The following PRKG1 variants were observed in gnomAD, a reference collection of about 807,000 sequenced individuals.
PRKG1 encodes the protein cGMP-dependent protein kinase 1.
In PRKG1, 35 loss-of-function variants were observed where a neutral mutation model predicts 88.1. The observed-to-expected ratio is 0.40, with a 90% confidence interval of 0.30 to 0.53. The LOEUF is 0.53. Ranked by LOEUF, PRKG1 falls within the 20% of genes least tolerant of loss-of-function variation. The pLI, the probability that PRKG1 is intolerant of heterozygous loss-of-function variation, is 0.59. For missense variants in PRKG1, 540 were observed against 839.8 expected, an observed-to-expected ratio of 0.64 and a Z score of 4.41; for synonymous variants, 303 against 292.5, an observed-to-expected ratio of 1.04 and a Z score of -0.37.
At chr10:52,068,267 A>T (rs1375291453) in intron 7 of PRKG1, among the ~76,000 whole-genome samples, 1 of 152,070 alleles carries the variant, frequency 6.6e-6, no homozygotes, top group African/African-American at 2.4e-5. Flanking sequence ...ATACATATAA[A>T]CATCAGATGA....
chr10:51,429,921 G>A (rs1038768833), intron 2 of PRKG1, among the ~76,000 whole-genome samples: 5 of 151,692 alleles, frequency 3.3e-5, no homozygotes, highest in Admixed American at 2.6e-4. Flanking sequence ...GTCCCAGAAA[G>A]GAAGAAGAAA....
intron 3 of PRKG1, among the ~76,000 whole-genome samples, chr10:51,742,239 T>G (rs1423366424): frequency 1.3e-5 from 2 of 152,206 alleles, no homozygotes; most frequent in African/African-American, 2.4e-5. Context: ...AGATTTACAT[T>G]GAACCTGAAT....
intron 14 of PRKG1, among the ~76,000 whole-genome samples, chr10:52,282,974 C>G (rs1842032592): frequency 6.6e-6 from 1 of 151,846 alleles, no homozygotes; most frequent in Non-Finnish European, 1.5e-5. Flanking sequence ...AAGAGTAGGA[C>G]TTAGATATAG....
intron 8 of PRKG1, among the ~76,000 whole-genome samples, chr10:52,134,451 G>A (rs1302323469): frequency 1.3e-5 from 2 of 152,070 alleles, no homozygotes; most frequent in Non-Finnish European, 2.9e-5. Flanking sequence ...GTCTGATAAT[G>A]TCTATCCCTG....
At chr10:51,332,574 A>T (rs548584808) in intron 2 of PRKG1, among the ~76,000 whole-genome samples, 5 of 152,370 alleles carry the variant, frequency 3.3e-5, no homozygotes, top group Admixed American at 3.3e-4. Context: ...ATGTAAAGAT[A>T]AAAAGTCACA....
chr10:52,215,557 T>G (rs1263444079), intron 9 of PRKG1, among the ~76,000 whole-genome samples: 2 of 152,196 alleles, frequency 1.3e-5, no homozygotes, highest in African/African-American at 2.4e-5. Context: ...ACCTCAATAT[T>G]TTCTCTTTTC....
At chr10:52,169,952 C>G (rs936160982) in intron 9 of PRKG1, among the ~76,000 whole-genome samples, 1 of 151,984 alleles carries the variant, frequency 6.6e-6, no homozygotes, top group Admixed American at 6.5e-5. Flanking sequence ...AAGAGTGAGA[C>G]CATCTCCACG....
chr10:51,842,695 A>T (rs1312727776), intron 4 of PRKG1, among the ~76,000 whole-genome samples: 1 of 152,178 alleles, frequency 6.6e-6, no homozygotes, highest in African/African-American at 2.4e-5. Context: ...CTATATGTGT[A>T]TATGTATATT....
chr10:52,091,216 C>A (rs1453226893), intron 7 of PRKG1, among the ~76,000 whole-genome samples: 1 of 152,126 alleles, frequency 6.6e-6, no homozygotes, highest in African/African-American at 2.4e-5. Context: ...TTGAGGCCCC[C>A]CTTTTCTTGT....
At chr10:51,689,184 A>G (rs1367597365) in intron 3 of PRKG1, among the ~76,000 whole-genome samples, 2 of 152,184 alleles carry the variant, frequency 1.3e-5, no homozygotes, top group Non-Finnish European at 2.9e-5. Flanking sequence ...ATTTATCAGC[A>G]GCATGAAAAC....
intron 4 of PRKG1, among the ~76,000 whole-genome samples, chr10:51,894,711 C>T (rs914779153): frequency 1.3e-5 from 2 of 152,144 alleles, no homozygotes; most frequent in Non-Finnish European, 2.9e-5. Flanking sequence ...AACTGAATTA[C>T]ATTAAAATGA....
intron 3 of PRKG1, among the ~76,000 whole-genome samples, chr10:51,473,026 C>A (rs1214033422): frequency 6.6e-6 from 1 of 151,914 alleles, no homozygotes; most frequent in East Asian, 1.9e-4. Flanking sequence ...CAAATGTTAT[C>A]ATCGCAGACA....
At position 50,991,700 on chromosome 10, in the gene PRKG1, G is replaced by A. The variant is rs572618766; in HGVS notation, c.266+56G>A. The A allele has an allele frequency of 2.9e-5, 35 of 1,202,702 alleles. No individual in the cohort carries two copies. The African/African-American group carries it at 4.9e-4, about 17-fold the overall frequency. The allele number at this position is 1,202,702 out of a possible 1,614,324, so 74.5% of individuals were successfully genotyped here. On this transcript the variant is annotated intron_variant, in intron 1 of 17. Coordinates refer to the PRKG1 transcript ENST00000401604. The surrounding 1 kb of genome is among the most constrained non-coding windows in gnomAD (Gnocchi z 4.5). ...CGTCCCGGCCCGCGGCGCAGAGGCT[G>A]GGGGCTCTGGCCGCGGCGGCGGGGG...
intron 3 of PRKG1, among the ~76,000 whole-genome samples, chr10:51,473,047 CATA>C: frequency 6.6e-6 from 1 of 151,888 alleles, no homozygotes; most frequent in Admixed American, 6.6e-5. Context: ...ATGAAGCAAA[CATA>C]GTATATTTTG....
intron 5 of PRKG1, among the ~76,000 whole-genome samples, chr10:51,918,191 C>T (rs560653079): frequency 2.6e-5 from 4 of 152,210 alleles, no homozygotes; most frequent in Admixed American, 2.0e-4. Flanking sequence ...CTATGCAATC[C>T]GACCCTGGAA....
At chr10:51,819,870 A>G (rs578165449) in intron 4 of PRKG1, among the ~76,000 whole-genome samples, 1 of 152,274 alleles carries the variant, frequency 6.6e-6, no homozygotes, top group East Asian at 1.9e-4. Flanking sequence ...TATACCCAGA[A>G]AAAGTCATAA....
At chr10:52,166,827 ATGTATATATATG>A (rs1564498522) in intron 9 of PRKG1, among the ~76,000 whole-genome samples, 8,576 of 18,176 alleles carry the variant, frequency 0.47, 751 homozygotes, top group Middle Eastern at 0.54. Context: ...ATGTATATAT[ATGTATATATATG>A]TATATATATG....
chr10:51,905,950 G>A (rs1487802220), intron 4 of PRKG1, among the ~76,000 whole-genome samples: 1 of 152,122 alleles, frequency 6.6e-6, no homozygotes, highest in African/African-American at 2.4e-5. Context: ...AATTCTAGCA[G>A]AGAAGACATT....
At chr10:51,504,616 T>C (rs1841140038) in intron 3 of PRKG1, among the ~76,000 whole-genome samples, 1 of 152,200 alleles carries the variant, frequency 6.6e-6, no homozygotes, top group South Asian at 2.1e-4. Context: ...TGGAATGTTC[T>C]TCCATTTGTT....
Sources: allele counts gnomAD v4.1 joint callset (sites outside exome capture counted in the v4.1 genomes callset), GRCh38; gene constraint gnomAD v4.1.1; non-coding constraint Gnocchi (gnomAD v3.1); transcripts MANE v1.5; gene names NCBI Gene and HGNC (gene_info 2026-07-23, HGNC 2026-07-21).